The following NFIB variants were observed in gnomAD, a reference collection of about 807,000 sequenced individuals.
NFIB encodes the protein nuclear factor I B.
NFIB carries 11 observed loss-of-function variants against 61.5 expected under a neutral mutation model. The observed-to-expected ratio is 0.18, with a 90% CI of 0.11 to 0.30. NFIB has a LOEUF of 0.30. NFIB is among the 10% of genes least tolerant of loss of function. The pLI is 1.00. For missense variants in NFIB, 471 were observed against 608.9 expected, an observed-to-expected ratio of 0.77 and a Z score of 2.38; for synonymous variants, 260 against 216.5, an observed-to-expected ratio of 1.20 and a Z score of -1.76.
At chr9:14,327,351 G>A (rs2060767469) in intron 1 of NFIB, among the ~76,000 whole-genome samples, 1 of 152,158 alleles carries the variant, frequency 6.6e-6, no homozygotes, top group Non-Finnish European at 1.5e-5. Context: ...AGAACATGTT[G>A]ATATCATTTC....
chr9:14,216,248 G>A (rs2050842411), intron 2 of NFIB, among the ~76,000 whole-genome samples: 1 of 152,024 alleles, frequency 6.6e-6, no homozygotes, highest in African/African-American at 2.4e-5. Context: ...AATTTTAACT[G>A]ATAATCATGT....
rs950460614 is a variant in NFIB, at chr9:14,166,936, G to A, written c.617-11043C>T. Among the ~76,000 whole-genome samples, 7 of 152,006 alleles carry A rather than the reference G, an allele frequency of 4.6e-5. 1 individual carries two copies. The highest frequency in any genetic ancestry group is 2.9e-5 in the Non-Finnish European group (2 of 67,988). ...CTATTCTTTTGTAGGTTCACTTTTCGTATAAGTCTTCTGGGTAAACATTTT... is the reference window on the plus strand; with the variant it reads ...CTATTCTTTTGTAGGTTCACTTTTCATATAAGTCTTCTGGGTAAACATTTT... On this transcript the variant is annotated intron_variant, in intron 3 of 10. Coordinates refer to ENST00000380953, the MANE Select transcript of NFIB (RefSeq NM_001190737.2).
chr9:14,182,704 C>CTG (rs2046919166), intron 2 of NFIB, among the ~76,000 whole-genome samples: 1 of 128,398 alleles, frequency 7.8e-6, no homozygotes, highest in East Asian at 2.5e-4. Flanking sequence ...CTCTCTCTCT[C>CTG]TCTCTGTGTG....
At chr9:14,112,229 G>T (rs183059329) in intron 10 of NFIB, among the ~76,000 whole-genome samples, 259 of 152,148 alleles carry the variant, frequency 1.7e-3, no homozygotes, top group Non-Finnish European at 3.4e-3. Context: ...ATTTAAATTC[G>T]GAACTGTTTA....
intron 3 of NFIB, 121 bp downstream of exon 3, chr9:14,179,606 G>C (rs990414796): frequency 9.8e-7 from 1 of 1,016,536 alleles, no homozygotes; most frequent in Non-Finnish European, 1.5e-6. Flanking sequence ...ATCTTGTCCC[G>C]ATCATACCTG....
At chr9:14,337,640 C>A (rs1202454936) in intron 1 of NFIB, among the ~76,000 whole-genome samples, 1 of 152,194 alleles carries the variant, frequency 6.6e-6, no homozygotes, top group African/African-American at 2.4e-5. Flanking sequence ...GCATTTGGAG[C>A]CCCACTGGGG....
chr9:14,406,523 G>A, the NFIB span, among the ~76,000 whole-genome samples: 1 of 152,158 alleles, frequency 6.6e-6, no homozygotes, highest in Non-Finnish European at 1.5e-5. Flanking sequence ...TCTTTCTTGG[G>A]GAGTGTGTGA....
chr9:14,234,219 A>T (rs1266188666), intron 2 of NFIB, among the ~76,000 whole-genome samples: 1 of 152,200 alleles, frequency 6.6e-6, no homozygotes, highest in African/African-American at 2.4e-5. Context: ...CAGCATCAAA[A>T]ACCAGATCAC....
At chr9:14,394,234 G>C (rs1207803208) in intron 1 of NFIB, among the ~76,000 whole-genome samples, 2 of 152,136 alleles carry the variant, frequency 1.3e-5, no homozygotes, top group Non-Finnish European at 2.9e-5. Context: ...GCTATTATAA[G>C]GATAACATAG....
chr9:14,237,119 CT>C (rs1563931845), intron 2 of NFIB, among the ~76,000 whole-genome samples: 1 of 152,158 alleles, frequency 6.6e-6, no homozygotes, highest in Non-Finnish European at 1.5e-5. Flanking sequence ...AAATTATGAA[CT>C]GCATAAACAT....
chr9:14,090,547 T>C (rs544600055), intron 10 of NFIB, among the ~76,000 whole-genome samples: 1 of 152,250 alleles, frequency 6.6e-6, no homozygotes, highest in South Asian at 2.1e-4. Context: ...GAAAACGACC[T>C]AGTCACATCT....
chr9:14,466,763 A>T, the NFIB span, among the ~76,000 whole-genome samples: 1 of 152,162 alleles, frequency 6.6e-6, no homozygotes, highest in Non-Finnish European at 1.5e-5. Context: ...AACCAGAAAC[A>T]AGTATATGGT....
intron 2 of NFIB, among the ~76,000 whole-genome samples, chr9:14,201,876 AGAT>A (rs1054976033): frequency 1.5e-4 from 22 of 150,638 alleles, no homozygotes; most frequent in African/African-American, 5.1e-4. Context: ...TGACATATAC[AGAT>A]GATATTTATC....
chr9:14,125,402 C>G (rs148889815), intron 7 of NFIB, among the ~76,000 whole-genome samples: 1 of 152,162 alleles, frequency 6.6e-6, no homozygotes, highest in Non-Finnish European at 1.5e-5. Flanking sequence ...GTGATCCACC[C>G]GCCTCAGCCT....
chr9:14,344,387 TGTCTA>T (rs1442771089), intron 1 of NFIB, among the ~76,000 whole-genome samples: 1 of 149,682 alleles, frequency 6.7e-6, no homozygotes, highest in Admixed American at 6.6e-5. Context: ...GCACTTGCTG[TGTCTA>T]GTCTATTGTT....
intron 10 of NFIB, among the ~76,000 whole-genome samples, chr9:14,093,207 T>C (rs547400492): frequency 6.6e-6 from 1 of 152,164 alleles, no homozygotes; most frequent in African/African-American, 2.4e-5. Flanking sequence ...ATGGCAAAAA[T>C]CATTTATTAC....
intron 1 of NFIB, among the ~76,000 whole-genome samples, chr9:14,326,622 A>G (rs1348275343): frequency 6.6e-6 from 1 of 151,424 alleles, no homozygotes; most frequent in East Asian, 1.9e-4. Flanking sequence ...AAATTTCACA[A>G]GCTAAATAGA....
At chr9:14,477,623 G>C in the NFIB span, among the ~76,000 whole-genome samples, 2 of 152,152 alleles carry the variant, frequency 1.3e-5, no homozygotes, top group Non-Finnish European at 2.9e-5. Context: ...TTCTGGTAAT[G>C]CATGAGTTGG....
chr9:14,420,467 A>AAAAAAAAAAAAAAAAAAAAC, the NFIB span, among the ~76,000 whole-genome samples: 1 of 150,404 alleles, frequency 6.6e-6, no homozygotes, highest in Admixed American at 6.6e-5. Context: ...AAAAAAAAAA[A>AAAAAAAAAAAAAAAAAAAAC]AAAGATGCTA....
Sources: gnomAD v4.1 joint callset for allele counts (sites outside exome capture counted in the v4.1 genomes callset) on GRCh38, gnomAD v4.1.1 for gene constraint, MANE v1.5 for transcripts, NCBI Gene and HGNC (gene_info 2026-07-23, HGNC 2026-07-21) for gene names.